Variants in TBC1D22A observed in about 807,000 individuals in gnomAD.
The protein encoded by TBC1D22A is TBC1 domain family member 22A.
A neutral mutation model predicts 60.2 loss-of-function variants in TBC1D22A; 38 were observed. That is an observed-to-expected ratio of 0.63 (90% CI 0.49 to 0.83). TBC1D22A has a LOEUF of 0.83. Ranked by LOEUF, TBC1D22A falls within the 40% of genes least tolerant of loss-of-function variation. The pLI is 0.00. For synonymous variants in TBC1D22A, 302 were observed against 281.7 expected (o/e 1.07, Z -0.72); for missense variants, 628 against 701.0 (o/e 0.90, Z 1.18).
intron 7 of TBC1D22A, among the ~76,000 whole-genome samples, chr22:46,905,213 A>G (rs1246348910): frequency 6.6e-6 from 1 of 152,176 alleles, no homozygotes; most frequent in African/African-American, 2.4e-5. Flanking sequence ...AGTTTTTGCC[A>G]TTTCAAAACA....
At chr22:46,993,543 G>C (rs1160538762) in intron 9 of TBC1D22A, among the ~76,000 whole-genome samples, 5 of 152,208 alleles carry the variant, frequency 3.3e-5, no homozygotes, top group East Asian at 3.8e-4. Context: ...GCCCAGGTAC[G>C]TGTTCACCAG....
chr22:46,988,053 AG>A (rs2074793864), intron 9 of TBC1D22A, among the ~76,000 whole-genome samples: 1 of 151,680 alleles, frequency 6.6e-6, no homozygotes, highest in Non-Finnish European at 1.5e-5. Context: ...ACTTTCTTGG[AG>A]TCCAGTCATT....
intron 4 of TBC1D22A, among the ~76,000 whole-genome samples, chr22:46,853,241 C>T (rs953265022): frequency 2.0e-5 from 3 of 152,292 alleles, no homozygotes; most frequent in Middle Eastern, 3.4e-3. Context: ...AGCACCCCAG[C>T]CTGGTCATAT....
At chr22:47,094,473 G>T (rs1308707193) in intron 11 of TBC1D22A, among the ~76,000 whole-genome samples, 2 of 152,142 alleles carry the variant, frequency 1.3e-5, no homozygotes, top group Non-Finnish European at 2.9e-5. Context: ...GACTTAAACT[G>T]CAGCTCTTCC....
intron 5 of TBC1D22A, among the ~76,000 whole-genome samples, chr22:46,886,985 G>C (rs1424471137): frequency 1.3e-5 from 2 of 152,206 alleles, no homozygotes; most frequent in East Asian, 3.9e-4. Flanking sequence ...TGATTTTAAA[G>C]GGAAAGGACC....
chr22:46,920,764 A>G (rs1275896446), intron 8 of TBC1D22A, among the ~76,000 whole-genome samples: 1 of 136,166 alleles, frequency 7.3e-6, no homozygotes, highest in East Asian at 2.2e-4. Context: ...TGAAGTTAAC[A>G]TTATGTTATT....
chr22:46,793,007 C>A (rs2084487974), intron 2 of TBC1D22A, among the ~76,000 whole-genome samples: 1 of 152,266 alleles, frequency 6.6e-6, no homozygotes, highest in African/African-American at 2.4e-5. Flanking sequence ...CTGTTGTGAC[C>A]CTGCAGGACT....
chr22:47,071,531 G>A (rs1310647030), intron 11 of TBC1D22A, among the ~76,000 whole-genome samples: 1 of 152,200 alleles, frequency 6.6e-6, no homozygotes, highest in South Asian at 2.1e-4. Flanking sequence ...GTGGGCTCCC[G>A]CTTTTAGGCT....
intron 11 of TBC1D22A, among the ~76,000 whole-genome samples, chr22:47,044,870 A>G (rs1260087840): frequency 2.0e-5 from 3 of 152,182 alleles, no homozygotes; most frequent in Non-Finnish European, 4.4e-5. Context: ...TCATGTATCA[A>G]TCATGTTGCT....
intron 4 of TBC1D22A, among the ~76,000 whole-genome samples, chr22:46,812,046 T>C (rs2085399275): frequency 1.3e-5 from 2 of 152,230 alleles, no homozygotes; most frequent in South Asian, 2.1e-4. Context: ...CTGTGTGTAG[T>C]TGGGAGTCCC....
At chr22:47,049,340 A>G (rs140542) in intron 11 of TBC1D22A, among the ~76,000 whole-genome samples, 103,799 of 151,452 alleles carry the variant, frequency 0.69, 36,003 homozygotes, top group East Asian at 0.92. Flanking sequence ...AGAAGCGGGC[A>G]TGGGCGCTGG....
rs2074905640 is a variant in TBC1D22A, at chr22:46,990,687, C to G, written c.1126-6947C>G. Among the ~76,000 whole-genome samples, 1 of 152,104 alleles carries G rather than the reference C, an allele frequency of 6.6e-6. No individual in the cohort carries two copies. Among genetic ancestry groups the G allele is most frequent in the Non-Finnish European group, 1.5e-5 (1 of 68,026 alleles). ...ACCCAACCCCTGGGCTTTTTACTGT[C>G]TCCATAGTTTCACCTTTGCCAGAAT... On this transcript the variant is annotated intron_variant, in intron 9 of 12. Coordinates refer to ENST00000337137, the MANE Select transcript of TBC1D22A (RefSeq NM_014346.5). The surrounding 1 kb of genome is among the most constrained non-coding windows in gnomAD (Gnocchi z 4.6).
intron 4 of TBC1D22A, among the ~76,000 whole-genome samples, chr22:46,803,532 C>G (rs915515979): frequency 6.6e-6 from 1 of 152,212 alleles, no homozygotes; most frequent in Non-Finnish European, 1.5e-5. Context: ...CAGCGTCGCC[C>G]TCTAGTGGCC....
At chr22:46,832,418 A>C (rs113117580) in intron 4 of TBC1D22A, among the ~76,000 whole-genome samples, 4,665 of 152,344 alleles carry the variant, frequency 0.031, 234 homozygotes, top group African/African-American at 0.1. Context: ...TGAGAGGCTG[A>C]AGTGAGTGGA....
intron 1 of TBC1D22A, among the ~76,000 whole-genome samples, chr22:46,785,562 G>T (rs2084123757): frequency 1.3e-5 from 2 of 152,058 alleles, no homozygotes; most frequent in Non-Finnish European, 2.9e-5. Flanking sequence ...CATGTTTATT[G>T]CCTCTAGAAA....
At chr22:46,772,640 C>T (rs998929158) in intron 1 of TBC1D22A, among the ~76,000 whole-genome samples, 4 of 143,576 alleles carry the variant, frequency 2.8e-5, no homozygotes, top group African/African-American at 1.1e-4. Flanking sequence ...ACACATGCAC[C>T]GCACTTTTTT....
At chr22:46,766,334 T>C (rs2083286815) in intron 1 of TBC1D22A, among the ~76,000 whole-genome samples, 1 of 151,736 alleles carries the variant, frequency 6.6e-6, no homozygotes, top group East Asian at 2.0e-4. Flanking sequence ...TTTCACCATG[T>C]TGGCCAGGCT....
intron 7 of TBC1D22A, among the ~76,000 whole-genome samples, chr22:46,906,801 A>G (rs73888440): frequency 1.1e-3 from 161 of 141,854 alleles, no homozygotes; most frequent in African/African-American, 4.1e-3. Flanking sequence ...GTGTGTGTGT[A>G]TGTGTGTGTG....
At chr22:47,067,638 G>A (rs1423651664) in intron 11 of TBC1D22A, among the ~76,000 whole-genome samples, 1 of 152,202 alleles carries the variant, frequency 6.6e-6, no homozygotes, top group African/African-American at 2.4e-5. Context: ...GGTTCATCAT[G>A]GTGGGAGGTG....
Sources: gnomAD v4.1 joint callset for allele counts (sites outside exome capture counted in the v4.1 genomes callset) on GRCh38, gnomAD v4.1.1 for gene constraint, Gnocchi (gnomAD v3.1) non-coding constraint, MANE v1.5 for transcripts, NCBI Gene and HGNC (gene_info 2026-07-23, HGNC 2026-07-21) for gene names.